ZNF341: variants seen among roughly 807,000 people sequenced by gnomAD.
ZNF341 encodes the protein zinc finger protein 341.
ZNF341 carries 52 observed loss-of-function variants against 87.7 expected under a neutral mutation model. The ratio of observed to expected loss-of-function variants is 0.59; its 90% CI spans 0.47 to 0.75. The LOEUF is 0.75. Among genes scored for constraint, ZNF341 ranks in the 30% least tolerant of loss-of-function variants. The pLI, the probability that ZNF341 is intolerant of heterozygous loss-of-function variation, is 0.00. For missense variants in ZNF341, 977 were observed against 1,145.9 expected (o/e 0.85, Z 2.13); for synonymous variants, 459 against 472.7 (o/e 0.97, Z 0.38).
chr20:33,775,394 T>C (rs1019650546), intron 10 of ZNF341, among the ~76,000 whole-genome samples: 2 of 151,816 alleles, frequency 1.3e-5, no homozygotes, highest in African/African-American at 4.8e-5. Context: ...GTATTTTTAG[T>C]AGAGACGGGG....
chr20:33,779,789 T>C (rs957215717), intron 10 of ZNF341, among the ~76,000 whole-genome samples: 3 of 152,122 alleles, frequency 2.0e-5, no homozygotes, highest in Non-Finnish European at 4.4e-5. Context: ...GCAGGTCTGT[T>C]TGGGACTCAC....
intron 12 of ZNF341, among the ~76,000 whole-genome samples, chr20:33,786,259 C>T (rs930226350): frequency 1.3e-5 from 2 of 152,142 alleles, no homozygotes; most frequent in African/African-American, 4.8e-5. Context: ...CCGCCCCAGC[C>T]TCCCAAAGTG....
At chr20:33,782,377 G>C (rs1476018085) in intron 11 of ZNF341, among the ~76,000 whole-genome samples, 1 of 152,194 alleles carries the variant, frequency 6.6e-6, no homozygotes, top group East Asian at 1.9e-4. Flanking sequence ...GTTCAGCGGT[G>C]TTCCCCGCAG....
Position 33,761,868 on chromosome 20 carries a change from C to T in ZNF341, c.1035C>T (p.Thr345=), listed in dbSNP as rs192880441. The T allele has an allele frequency of 1.7e-4, 262 of 1,541,962 alleles. No individual in the cohort carries two copies. The Admixed American group carries it at 3.0e-3, about 18-fold the overall frequency. The change falls in exon 8 of 15, where the codon ACC becomes ACT. Residue 345 remains threonine, a synonymous_variant. Transcript: ENST00000375200. ...FDLQQHIRSH[T]GEKPFQCIAC... ...ACAAGCTTGTCTTCCACAGCCACAC[C>T]GGTGAGAAGCCCTTCCAGTGCATTG... is the stretch of plus-strand genomic sequence containing the variant.
chr20:33,750,636 A>T (rs954638430), intron 4 of ZNF341, among the ~76,000 whole-genome samples: 7 of 151,356 alleles, frequency 4.6e-5, no homozygotes, highest in Non-Finnish European at 1.0e-4. Flanking sequence ...GGCTAATTTT[A>T]AAAAAAAATT....
chr20:33,779,886 A>G (rs2019707164), intron 10 of ZNF341, among the ~76,000 whole-genome samples: 1 of 152,196 alleles, frequency 6.6e-6, no homozygotes, highest in African/African-American at 2.4e-5. Flanking sequence ...TCTTTAATGT[A>G]ACAAGTTCTC....
chr20:33,781,722 A>C (rs2019751436), intron 11 of ZNF341, among the ~76,000 whole-genome samples: 1 of 149,480 alleles, frequency 6.7e-6, no homozygotes, highest in African/African-American at 2.5e-5. Flanking sequence ...TTTTTGAGAC[A>C]GGGTCTTACT....
intron 1 of ZNF341, among the ~76,000 whole-genome samples, chr20:33,735,204 A>G (rs2018653491): frequency 6.6e-6 from 1 of 150,938 alleles, no homozygotes; most frequent in South Asian, 2.1e-4. Flanking sequence ...CTAATTTTGT[A>G]TTTTTTAGTA....
chr20:33,732,012 CG>C lies in ZNF341; in HGVS notation c.-8del. The C allele has an allele frequency of 7.0e-7, 1 of 1,430,196 alleles. No homozygotes were observed. Among genetic ancestry groups the C allele is most frequent in the Non-Finnish European group, 9.2e-7 (1 of 1,086,680 alleles). The allele number at this position is 1,430,196 out of a possible 1,614,324, so 88.6% of individuals were successfully genotyped here. Reference sequence around the variant, plus strand: ...TCGGTTCCTGTGGCGGCGACGGCGGCGGCTCCAAGATGGCGCAGGCGATCTT... The same window carrying C: ...TCGGTTCCTGTGGCGGCGACGGCGGCGCTCCAAGATGGCGCAGGCGATCTT... On this transcript the variant is annotated 5_prime_UTR_variant, in exon 1 of 15. Transcript: ENST00000375200. This position sits in a 1 kb window ranked among gnomAD's most constrained non-coding sequence, Gnocchi z 4.5.
At chr20:33,759,934 G>A (rs901510165) in intron 7 of ZNF341, among the ~76,000 whole-genome samples, 11 of 152,190 alleles carry the variant, frequency 7.2e-5, no homozygotes, top group African/African-American at 2.7e-4. Flanking sequence ...CCTGCACATC[G>A]TGGAATGTTT....
At chr20:33,762,756 A>G (rs80097757) in intron 8 of ZNF341, among the ~76,000 whole-genome samples, 25 of 151,362 alleles carry the variant, frequency 1.7e-4, no homozygotes, top group Admixed American at 5.3e-4. Flanking sequence ...TCATCGTTCA[A>G]CTCCCACCTA....
chr20:33,775,207 G>GTTTT (rs1251152193), intron 10 of ZNF341, among the ~76,000 whole-genome samples: 1 of 149,590 alleles, frequency 6.7e-6, no homozygotes, highest in Admixed American at 6.7e-5. Context: ...AGTTGAAAGG[G>GTTTT]TTTTGTTTTT....
intron 2 of ZNF341, 105 bp downstream of exon 2, chr20:33,741,117 C>A: frequency 9.2e-7 from 1 of 1,083,410 alleles, no homozygotes; most frequent in Non-Finnish European, 1.4e-6. Flanking sequence ...CTGTGGTCCC[C>A]AGGACATGCT....
intron 10 of ZNF341, among the ~76,000 whole-genome samples, chr20:33,778,972 C>A (rs527796688): frequency 6.6e-6 from 1 of 152,160 alleles, no homozygotes; most frequent in African/African-American, 2.4e-5. Flanking sequence ...TGTTTATGAG[C>A]TGTTTGGCAC....
rs764682191 is a variant in ZNF341, at chr20:33,791,444, C to A, written c.2492C>A (p.Ala831Glu). 3.7e-6 allele frequency: 6 copies of A among 1,609,046 alleles called. No individual in the cohort carries two copies. Among genetic ancestry groups the A allele is most frequent in the Non-Finnish European group, 2.5e-6 (3 of 1,179,174 alleles). The change falls in exon 15 of 15, where the codon GCG (alanine) becomes GAG (glutamate). Residue 831 changes from alanine to glutamate, a missense_variant. This residue lies in a region of ZNF341 where 221 missense variants were observed against 212.7 expected (regional missense o/e 1.04). Coordinates refer to ENST00000375200, the MANE Select transcript of ZNF341 (RefSeq NM_001282933.2). ...GGGCTGGGCTCCAACCTGGCTCTGG[C>A]GGAGCTGCAGGCTGGGGCCGAGGGC... is the stretch of plus-strand genomic sequence containing the variant. Reference protein sequence around the residue: ...AEGLGSNLALAELQAGAEGPC... With the variant: ...AEGLGSNLALEELQAGAEGPC...
chr20:33,791,787 C>T lies in ZNF341; in HGVS notation c.*270C>T, dbSNP rs1179713386. On this transcript the variant is annotated 3_prime_UTR_variant, in exon 15 of 15. Transcript: ENST00000375200. ...GTGGCAGGAGAGAGATGGCTGAAGCCTGAGCAGCCCAGAGTCCCGCTGGTC... is the reference window on the plus strand; with the variant it reads ...GTGGCAGGAGAGAGATGGCTGAAGCTTGAGCAGCCCAGAGTCCCGCTGGTC... 1 of 430,484 alleles carries T rather than the reference C, an allele frequency of 2.3e-6. No individual in the cohort carries two copies. Among genetic ancestry groups the T allele is most frequent in the Non-Finnish European group, 4.1e-6 (1 of 242,284 alleles). 26.7% of individuals were successfully genotyped at this position (430,484 alleles called of 1,614,324 possible).
rs1353614089 is a variant in ZNF341, at chr20:33,732,351, T to C, written c.31+299T>C. Among the ~76,000 whole-genome samples, 1 of 150,748 alleles carries C rather than the reference T, an allele frequency of 6.6e-6. No homozygotes were observed. The highest frequency in any genetic ancestry group is 1.5e-5 in the Non-Finnish European group (1 of 67,608). ...GCGGGAGGGGCTCCCTGCAGGGAAC[T>C]GCGCGGGAGGCGACGGCGGGGCGGT... On this transcript the variant is annotated intron_variant, in intron 1 of 14. Transcript: ENST00000375200. This position sits in a 1 kb window ranked among gnomAD's most constrained non-coding sequence, Gnocchi z 4.5.
rs1354797612 is a variant in ZNF341 at position 33,753,564 on chromosome 20, G to A, written c.741+141G>A. 10 of 1,131,718 alleles carry A rather than the reference G, an allele frequency of 8.8e-6. No homozygotes were observed. The South Asian group carries it at 1.2e-4, about 14-fold the overall frequency. 70.1% of individuals were successfully genotyped at this position (1,131,718 alleles called of 1,614,324 possible). ...CAGACCCGGTCCTGGCCTTCATGGG[G>A]TGTACCACATCACAGGGGAGAAGGA... is the stretch of plus-strand genomic sequence containing the variant. On this transcript the variant is annotated intron_variant, in intron 5 of 14. Coordinates refer to ENST00000375200, the MANE Select transcript of ZNF341 (RefSeq NM_001282933.2).
At chr20:33,754,577 G>A (rs1461379633) in intron 5 of ZNF341, among the ~76,000 whole-genome samples, 1 of 152,206 alleles carries the variant, frequency 6.6e-6, no homozygotes, top group Non-Finnish European at 1.5e-5. Context: ...CTTCTCTAGG[G>A]AATTTATTGC....
Sources: allele counts gnomAD v4.1 joint callset (sites outside exome capture counted in the v4.1 genomes callset), GRCh38; gene constraint gnomAD v4.1.1; regional missense constraint gnomAD v4.1.1; non-coding constraint Gnocchi (gnomAD v3.1); transcripts MANE v1.5; gene names NCBI Gene and HGNC (gene_info 2026-07-23, HGNC 2026-07-21).